Variants in TENM3 observed in about 807,000 individuals in gnomAD.
TENM3 encodes the protein teneurin-3.
TENM3 carries 63 observed loss-of-function variants against 255.1 expected under a neutral mutation model. The observed-to-expected ratio is 0.25, with a 90% CI of 0.20 to 0.30. The LOEUF is 0.30. Among genes scored for constraint, TENM3 ranks in the 10% least tolerant of loss-of-function variants. TENM3 has a pLI of 1.00. For missense variants in TENM3, 2,929 were observed against 3,461.1 expected, an observed-to-expected ratio of 0.85 and a Z score of 3.86; for synonymous variants, 1,306 against 1,322.3, an observed-to-expected ratio of 0.99 and a Z score of 0.27.
chr4:181,618,772 A>T, the TENM3 span, among the ~76,000 whole-genome samples: 15 of 152,304 alleles, frequency 9.8e-5, no homozygotes, highest in Non-Finnish European at 1.6e-4. Flanking sequence ...CACGAAATTG[A>T]TTAGTGGGGT....
At chr4:182,503,820 A>G (rs904288062) in intron 3 of TENM3, among the ~76,000 whole-genome samples, 3 of 152,114 alleles carry the variant, frequency 2.0e-5, no homozygotes, top group Non-Finnish European at 4.4e-5. Flanking sequence ...TCAACCTACT[A>G]CACCCCAGAT....
chr4:182,026,746 C>A, the TENM3 span, among the ~76,000 whole-genome samples: 2 of 151,928 alleles, frequency 1.3e-5, no homozygotes, highest in Non-Finnish European at 2.9e-5. Context: ...GTTTTTGGCA[C>A]CTTGGTTGAA....
At chr4:181,966,963 C>T in the TENM3 span, among the ~76,000 whole-genome samples, 1 of 152,112 alleles carries the variant, frequency 6.6e-6, no homozygotes, top group Admixed American at 6.6e-5. Flanking sequence ...CTTCTTCTCT[C>T]CCTCCCCTTC....
the TENM3 span, among the ~76,000 whole-genome samples, chr4:181,739,242 C>A: frequency 6.6e-6 from 1 of 152,118 alleles, no homozygotes; most frequent in African/African-American, 2.4e-5. Context: ...GGCAATGAAA[C>A]AACATAGTCA....
intron 17 of TENM3, among the ~76,000 whole-genome samples, chr4:182,737,567 A>AATC (rs1344699021): frequency 6.6e-6 from 1 of 152,218 alleles, no homozygotes; most frequent in African/African-American, 2.4e-5. Flanking sequence ...ATGAAAGGAT[A>AATC]ATCAAACCAG....
chr4:182,516,517 C>T (rs1737963980), intron 3 of TENM3, among the ~76,000 whole-genome samples: 1 of 152,074 alleles, frequency 6.6e-6, no homozygotes, highest in Admixed American at 6.5e-5. Context: ...GGTTCTTTTT[C>T]AAAGTTATTA....
chr4:181,731,089 A>T, the TENM3 span, among the ~76,000 whole-genome samples: 1 of 152,176 alleles, frequency 6.6e-6, no homozygotes, highest in Non-Finnish European at 1.5e-5. Flanking sequence ...CAGAACCACA[A>T]CTTACAGCTT....
At chr4:181,844,094 G>A in the TENM3 span, among the ~76,000 whole-genome samples, 21 of 152,110 alleles carry the variant, frequency 1.4e-4, 1 homozygote, top group East Asian at 4.1e-3. Flanking sequence ...GAGAGAAAGA[G>A]GGAAGGATGC....
At chr4:182,579,071 C>T (rs1165642524) in intron 3 of TENM3, among the ~76,000 whole-genome samples, 5 of 152,196 alleles carry the variant, frequency 3.3e-5, no homozygotes, top group African/African-American at 9.7e-5. Context: ...AGGGAATAAG[C>T]CCCTTTAGGC....
chr4:182,733,894 A>G (rs1018161398), intron 16 of TENM3, among the ~76,000 whole-genome samples: 1 of 152,200 alleles, frequency 6.6e-6, no homozygotes, highest in African/African-American at 2.4e-5. Flanking sequence ...TGTAGGTGCC[A>G]AATTTCTAGC....
chr4:182,473,217 A>G (rs1333912898), intron 3 of TENM3, among the ~76,000 whole-genome samples: 3 of 152,180 alleles, frequency 2.0e-5, no homozygotes, highest in Non-Finnish European at 4.4e-5. Context: ...GCAGCCATAT[A>G]TATATTTGGA....
chr4:181,499,489 A>G, the TENM3 span, among the ~76,000 whole-genome samples: 1 of 152,226 alleles, frequency 6.6e-6, no homozygotes, highest in African/African-American at 2.4e-5. Context: ...AAAATGCAGT[A>G]TAGTGAGAAT....
chr4:181,544,408 T>TAAAAAAAAAAAAAAAAAAA, the TENM3 span, among the ~76,000 whole-genome samples: 29 of 68,664 alleles, frequency 4.2e-4, 2 homozygotes, highest in East Asian at 1.2e-3. Context: ...CCTTCAGGAT[T>TAAAAAAAAAAAAAAAAAAA]AAAAAAAAAA....
Position 182,679,748 on chromosome 4 carries a change from G to T in TENM3, c.1409G>T (p.Arg470Leu). 1 of 1,613,886 alleles carries T rather than the reference G, an allele frequency of 6.2e-7. No homozygotes were observed. Among genetic ancestry groups the T allele is most frequent in the South Asian group, 1.1e-5 (1 of 91,080 alleles). ...RSLLETERAG[R>L]QARSVSLHEA... ...CTGCTTGAGACGGAGAGAGCCGGGC[G>T]GCAGGCGAGATCCGTCAGCCTTCAT... The change falls in exon 8 of 28, where the codon CGG becomes CTG. Residue 470 changes from arginine to leucine, a missense_variant. By Grantham distance (102) the Arg-to-Leu change is moderately radical (BLOSUM62 -2). Coordinates refer to ENST00000511685, the MANE Select transcript of TENM3 (RefSeq NM_001080477.4).
At chr4:182,104,668 C>T in the TENM3 span, among the ~76,000 whole-genome samples, 69 of 151,938 alleles carry the variant, frequency 4.5e-4, no homozygotes, top group African/African-American at 1.6e-3. Context: ...CCTGTCACCA[C>T]GCCTAGCTAA....
the TENM3 span, among the ~76,000 whole-genome samples, chr4:181,895,532 ATTTTTTTTTTTTTTTTTTTTT>A: frequency 2.4e-5 from 1 of 41,466 alleles, no homozygotes; most frequent in Non-Finnish European, 4.2e-5. Context: ...TATCTGGCTG[ATTTTTTTTTTTTTTTTTTTTT>A]TTTTTTTTTG....
At chr4:181,961,250 G>A in the TENM3 span, among the ~76,000 whole-genome samples, 1 of 152,154 alleles carries the variant, frequency 6.6e-6, no homozygotes, top group Non-Finnish European at 1.5e-5. Flanking sequence ...ACGTAACTAA[G>A]CCAAACTTCA....
At chr4:182,210,176 C>T (rs1041588464) in intron 1 of TENM3, among the ~76,000 whole-genome samples, 3 of 152,168 alleles carry the variant, frequency 2.0e-5, no homozygotes, top group Non-Finnish European at 2.9e-5. Context: ...GGCGGATGGA[C>T]GGTCACACCG....
rs576725929 is a variant in TENM3, at chr4:182,346,728, G to A, written c.310G>A (p.Gly104Arg). The A allele has an allele frequency of 3.1e-6, 5 of 1,613,660 alleles. No individual in the cohort carries two copies. Among genetic ancestry groups the A allele is most frequent in the African/African-American group, 1.3e-5 (1 of 74,978 alleles). ...AGGACTGGCATTTTGTGCGGAAATG[G>A]GGCTCCCTCACAGAGGTTACTCTAT... is the stretch of plus-strand genomic sequence containing the variant. ...RRGLAFCAEM[G>R]LPHRGYSISA... The change falls in exon 3 of 28, where the codon GGG (glycine) becomes AGG (arginine). Residue 104 changes from glycine (G) to arginine (R), a missense_variant. Gly to Arg is a moderately radical substitution (Grantham distance 125). Coordinates refer to ENST00000511685, the MANE Select transcript of TENM3 (RefSeq NM_001080477.4).
Sources: allele counts gnomAD v4.1 joint callset (sites outside exome capture counted in the v4.1 genomes callset), GRCh38; gene constraint gnomAD v4.1.1; transcripts MANE v1.5; gene names NCBI Gene and HGNC (gene_info 2026-07-23, HGNC 2026-07-21).